Variants in DNAH17 observed in about 807,000 individuals in gnomAD.
The protein encoded by DNAH17 is axonemal beta dynein heavy chain 17.
Under a neutral mutation model 485.6 loss-of-function variants are expected in DNAH17, and 376 were observed. The ratio of observed to expected loss-of-function variants is 0.77; its 90% CI spans 0.71 to 0.84. The LOEUF is 0.84. DNAH17 is among the 40% of genes least tolerant of loss of function. The pLI, the probability that DNAH17 is intolerant of heterozygous loss-of-function variation, is 0.00. For synonymous variants in DNAH17, 3,031 were observed against 2,405.9 expected (o/e 1.26, Z -7.60); for missense variants, 6,370 against 5,839.3 (o/e 1.09, Z -2.96).
At chr17:78,498,182 A>T (rs2090141922) in intron 37 of DNAH17, among the ~76,000 whole-genome samples, 1 of 151,644 alleles carries the variant, frequency 6.6e-6, no homozygotes, top group Admixed American at 6.6e-5. Context: ...TAAATAAATA[A>T]ATAAATAAAT....
chr17:78,471,920 G>A (rs1032263402), intron 54 of DNAH17, among the ~76,000 whole-genome samples: 5 of 152,148 alleles, frequency 3.3e-5, no homozygotes, highest in African/African-American at 9.7e-5. Flanking sequence ...CTCATCCCCA[G>A]GTATCTCATC....
At chr17:78,561,410 G>C (rs946640900) in intron 12 of DNAH17, among the ~76,000 whole-genome samples, 2 of 152,074 alleles carry the variant, frequency 1.3e-5, no homozygotes, top group African/African-American at 2.4e-5. Context: ...ACTTGGCCAA[G>C]TGCACGCAAC....
chr17:78,478,061 CCACCATCACCACCACCATCAT>C lies in DNAH17; in HGVS notation c.7992+943_7992+963del, dbSNP rs1248236819. Among the ~76,000 whole-genome samples the C allele has an allele frequency of 3.4e-4, 49 of 144,326 alleles. 1 individual carries two copies. The highest frequency in any genetic ancestry group is 9.8e-4 in the African/African-American group (38 of 38,716). The allele number at this position is 144,326 out of a possible 152,430, so 94.7% of individuals were successfully genotyped here. ...ACCACCATCATTACCATTATCATCT[CCACCATCACCACCACCATCAT>C]CACCATCACCACCACCATCATCATC... On this transcript the variant is annotated intron_variant, in intron 51 of 80. Transcript: ENST00000389840.
intron 18 of DNAH17, 121 bp from the exon 19 acceptor site, chr17:78,537,602 C>A: frequency 8.5e-7 from 1 of 1,173,058 alleles, no homozygotes; most frequent in Non-Finnish European, 1.2e-6. Context: ...ATCTGGGAAG[C>A]TTCTGAGAGC....
chr17:78,425,088 G>GT (rs1361349816), intron 80 of DNAH17: 34 of 404,050 alleles, frequency 8.4e-5, no homozygotes, highest in East Asian at 7.3e-4. Flanking sequence ...AAGCTCTGCT[G>GT]TTTTCATTAA....
chr17:78,457,659 T>C (rs2087873593), intron 62 of DNAH17, among the ~76,000 whole-genome samples: 1 of 7,590 alleles, frequency 1.3e-4, no homozygotes, highest in African/African-American at 3.3e-4. Flanking sequence ...GTGCCTGGCT[T>C]TTTTTTTTTT....
At position 78,510,523 on chromosome 17, in the gene DNAH17, C is replaced by G. The variant is rs1568178009; in HGVS notation, c.4114-17G>C. ...AAATTTCACCTAAGGGAAAAAAATC[C>G]AGGCAGGATTCATTTCAGGTCATGT... On this transcript the variant is annotated splice_polypyrimidine_tract_variant and intron_variant, in intron 26 of 80. Coordinates refer to ENST00000389840, the MANE Select transcript of DNAH17 (RefSeq NM_173628.4). 1 of 1,613,290 alleles carries G rather than the reference C, an allele frequency of 6.2e-7. No individual in the cohort carries two copies. Among genetic ancestry groups the G allele is most frequent in the Non-Finnish European group, 8.5e-7 (1 of 1,179,474 alleles).
At chr17:78,575,653 A>C (rs1482180086) in intron 1 of DNAH17, among the ~76,000 whole-genome samples, 1 of 152,080 alleles carries the variant, frequency 6.6e-6, no homozygotes, top group Non-Finnish European at 1.5e-5. Context: ...GTGCACCCCT[A>C]AAAGAATCGA....
intron 71 of DNAH17, among the ~76,000 whole-genome samples, chr17:78,444,091 T>G (rs922672515): frequency 6.6e-6 from 1 of 152,194 alleles, no homozygotes. Flanking sequence ...CATACTAATA[T>G]ACCTCGATTG....
chr17:78,460,320 A>ATGTG (rs1568084530), intron 58 of DNAH17, 63 bp from the exon 59 acceptor site: 19 of 1,081,260 alleles, frequency 1.8e-5, no homozygotes, highest in African/African-American at 2.4e-5. Context: ...GGGGGCGTGT[A>ATGTG]CGTGCATGTG....
intron 53 of DNAH17, 97 bp downstream of exon 53, chr17:78,475,572 C>G: frequency 6.3e-7 from 1 of 1,596,050 alleles, no homozygotes; most frequent in South Asian, 1.1e-5. Flanking sequence ...GTGTGCCACG[C>G]AGCCCCACAC....
At chr17:78,425,755 G>GGTTT (rs1568032936) in intron 79 of DNAH17, among the ~76,000 whole-genome samples, 184 bp from the exon 80 acceptor site, 2 of 88,314 alleles carry the variant, frequency 2.3e-5, no homozygotes, top group African/African-American at 1.1e-4. Context: ...TTTGGTGTCT[G>GGTTT]CTTTTTTTTT....
rs753214493 is a variant in DNAH17, at chr17:78,572,673, G to A, written c.539+28C>T. 6 of 1,561,554 alleles carry A rather than the reference G, an allele frequency of 3.8e-6. No individual in the cohort carries two copies. In the South Asian group the frequency reaches 7.1e-5, roughly 19 times the overall value. On this transcript the variant is annotated intron_variant, in intron 3 of 80. Transcript: ENST00000389840. ...GCATGTGCCTCTTCCCCACCCAGCG[G>A]CAGCCGGAAGCAGCTGGGCCCACAC...
chr17:78,425,713 C>A, intron 79 of DNAH17, 142 bp from the exon 80 acceptor site: 1 of 624,172 alleles, frequency 1.6e-6, no homozygotes, highest in Non-Finnish European at 2.6e-6. Context: ...AGAGTAGGGG[C>A]CATGGAGCCC....
chr17:78,538,897 C>A (rs1195228440), intron 18 of DNAH17, among the ~76,000 whole-genome samples: 2 of 152,150 alleles, frequency 1.3e-5, no homozygotes, highest in African/African-American at 4.8e-5. Context: ...TTGATCTTGG[C>A]CTCCTGGCGG....
At chr17:78,510,754 C>CCCCG (rs3031637) in intron 26 of DNAH17, 38 of 405,120 alleles carry the variant, frequency 9.4e-5, no homozygotes, top group Admixed American at 3.0e-4. Flanking sequence ...AATTGCGGCC[C>CCCCG]CCCCGCAAAA....
rs956077182 is a variant in DNAH17 at position 78,548,073 on chromosome 17, T to C, written c.2391+3462A>G. Among the ~76,000 whole-genome samples the C allele has an allele frequency of 5.3e-5, 8 of 152,242 alleles. No individual in the cohort carries two copies. In the East Asian group the frequency reaches 9.6e-4, roughly 18 times the overall value. ...TACACAGCACTAGTTCTAGTCTAAC[T>C]GGTGCTTCAGTATATTTTAATTCTG... On this transcript the variant is annotated intron_variant, in intron 16 of 80. Transcript: ENST00000389840.
rs1467969180 is a variant in DNAH17, at chr17:78,462,890, T to TA, written c.9127_9128insT (p.Glu3043ValfsTer19). On this transcript the variant is annotated frameshift_variant, in exon 57 of 81. Transcript: ENST00000389840. LOFTEE classifies it high-confidence loss of function. ...CTTCATCAGGCCGTTCTCCAGCCTC[T>TA]CGATTTTGGCAACAAGTTCCGTTCT... 6.2e-6 allele frequency: 10 copies of TA among 1,613,886 alleles called. No individual in the cohort carries two copies. The highest frequency in any genetic ancestry group is 8.5e-6 in the Non-Finnish European group (10 of 1,179,896).
At chr17:78,544,146 G>A (rs1159144840) in intron 16 of DNAH17, 149 bp from the exon 17 acceptor site, 14 of 1,167,984 alleles carry the variant, frequency 1.2e-5, no homozygotes, top group Non-Finnish European at 1.6e-5. Context: ...GCCCATCAGG[G>A]GCTACTAAGG....
Sources: gnomAD v4.1 joint callset for allele counts (sites outside exome capture counted in the v4.1 genomes callset) on GRCh38, gnomAD v4.1.1 for gene constraint, MANE v1.5 for transcripts, NCBI Gene and HGNC (gene_info 2026-07-23, HGNC 2026-07-21) for gene names.